Variants in C1orf21 observed in about 807,000 individuals in gnomAD.
The protein encoded by C1orf21 is chromosome 1 open reading frame 21.
C1orf21 carries 3 observed loss-of-function variants against 18.7 expected under a neutral mutation model. The observed-to-expected ratio is 0.16, with a 90% confidence interval of 0.07 to 0.42. C1orf21 has a LOEUF of 0.42. C1orf21 is among the 10% of genes least tolerant of loss of function. The pLI is 0.99. For synonymous variants in C1orf21, 41 were observed against 46.4 expected (o/e 0.88, Z 0.47); for missense variants, 104 against 143.6 (o/e 0.72, Z 1.41).
chr1:184,543,772 G>A (rs1369966980), intron 3 of C1orf21, among the ~76,000 whole-genome samples: 1 of 152,172 alleles, frequency 6.6e-6, no homozygotes, highest in African/African-American at 2.4e-5. Context: ...GGTGGTAGGA[G>A]ACTTACAATG....
intron 1 of C1orf21, among the ~76,000 whole-genome samples, chr1:184,443,079 A>G (rs976528826): frequency 6.6e-6 from 1 of 152,252 alleles, no homozygotes; most frequent in African/African-American, 2.4e-5. Context: ...AGGTGACCAA[A>G]GCAGCTAAAT....
At chr1:184,580,285 G>C (rs1659258351) in intron 3 of C1orf21, among the ~76,000 whole-genome samples, 1 of 152,194 alleles carries the variant, frequency 6.6e-6, no homozygotes, top group South Asian at 2.1e-4. Flanking sequence ...TCCTTTGAGG[G>C]AATGCAGATC....
intron 5 of C1orf21, among the ~76,000 whole-genome samples, chr1:184,601,192 T>C (rs1367766382): frequency 6.6e-6 from 1 of 152,316 alleles, no homozygotes; most frequent in East Asian, 1.9e-4. Flanking sequence ...AGATTTCATC[T>C]CTCCCAGAAG....
At chr1:184,514,348 T>C (rs1445124956) in intron 3 of C1orf21, among the ~76,000 whole-genome samples, 2 of 152,148 alleles carry the variant, frequency 1.3e-5, no homozygotes, top group Non-Finnish European at 2.9e-5. Context: ...AAGAAAATCA[T>C]ATATTTAATG....
intron 1 of C1orf21, among the ~76,000 whole-genome samples, chr1:184,393,109 C>T (rs1655998990): frequency 6.6e-6 from 1 of 152,088 alleles, no homozygotes; most frequent in African/African-American, 2.4e-5. Context: ...GCAGCATCAG[C>T]CACTGTGTCA....
At position 184,582,508 on chromosome 1, in the gene C1orf21, C is replaced by T. The variant is rs114554373; in HGVS notation, c.190-8231C>T. Among the ~76,000 whole-genome samples the T allele has an allele frequency of 6.3e-3, 952 of 152,280 alleles. 10 individuals are homozygous for T. Among genetic ancestry groups the T allele is most frequent in the African/African-American group, 0.022 (903 of 41,556 alleles). On this transcript the variant is annotated intron_variant, in intron 3 of 5. Coordinates refer to ENST00000235307, the MANE Select transcript of C1orf21 (RefSeq NM_030806.4). Reference sequence around the variant, plus strand: ...GGCACTCATTAGCAGTCCCAAGAGCCGATACTCTAATCCCCACTACTTTTC... The same window carrying T: ...GGCACTCATTAGCAGTCCCAAGAGCTGATACTCTAATCCCCACTACTTTTC...
At chr1:184,567,255 T>G (rs1226258825) in intron 3 of C1orf21, 1 of 464,348 alleles carries the variant, frequency 2.2e-6, no homozygotes, top group African/African-American at 2.0e-5. Context: ...GAGCTCCATG[T>G]TCAGAAGGAG....
chr1:184,495,040 A>G (rs759214312), intron 2 of C1orf21, among the ~76,000 whole-genome samples: 2 of 152,248 alleles, frequency 1.3e-5, no homozygotes, highest in Non-Finnish European at 2.9e-5. Context: ...ACAGCATGTC[A>G]TCGTCACACA....
intron 1 of C1orf21, among the ~76,000 whole-genome samples, chr1:184,452,816 CTCTG>C (rs1281603210): frequency 3.3e-5 from 5 of 152,096 alleles, no homozygotes; most frequent in African/African-American, 9.7e-5. Flanking sequence ...CTTGAGCTCT[CTCTG>C]TCTTTCTTGT....
At chr1:184,396,487 C>T (rs1045177809) in intron 1 of C1orf21, among the ~76,000 whole-genome samples, 2 of 152,152 alleles carry the variant, frequency 1.3e-5, no homozygotes, top group African/African-American at 4.8e-5. Context: ...GGATTATACT[C>T]TGAGCTGTGG....
chr1:184,542,023 CTT>C (rs1399631910), intron 3 of C1orf21, among the ~76,000 whole-genome samples: 1 of 152,170 alleles, frequency 6.6e-6, no homozygotes, highest in Non-Finnish European at 1.5e-5. Flanking sequence ...GAACTGTGCT[CTT>C]GTTTTTGCTT....
intron 1 of C1orf21, among the ~76,000 whole-genome samples, chr1:184,429,429 T>C (rs1251066578): frequency 6.6e-6 from 1 of 152,206 alleles, no homozygotes; most frequent in Non-Finnish European, 1.5e-5. Context: ...TCTATGCAAG[T>C]CTCCAATTCT....
At chr1:184,454,990 A>G (rs183814071) in intron 1 of C1orf21, among the ~76,000 whole-genome samples, 1 of 152,268 alleles carries the variant, frequency 6.6e-6, no homozygotes, top group Non-Finnish European at 1.5e-5. Context: ...CTTTGACTAG[A>G]GTTCATTGAA....
chr1:184,525,448 A>G (rs1658365045), intron 3 of C1orf21, among the ~76,000 whole-genome samples: 1 of 152,094 alleles, frequency 6.6e-6, no homozygotes, highest in Non-Finnish European at 1.5e-5. Context: ...TTTTAAGCCA[A>G]GAAATCATCC....
chr1:184,488,260 G>T (rs1171751671), intron 2 of C1orf21, among the ~76,000 whole-genome samples: 1 of 152,148 alleles, frequency 6.6e-6, no homozygotes, highest in Admixed American at 6.5e-5. Flanking sequence ...CATGATTCAG[G>T]AATGATGAAT....
chr1:184,400,062 A>G (rs1307829155), intron 1 of C1orf21, among the ~76,000 whole-genome samples: 2 of 152,084 alleles, frequency 1.3e-5, no homozygotes, highest in African/African-American at 4.8e-5. Flanking sequence ...TTTTAACACA[A>G]TTTATGTGTT....
intron 2 of C1orf21, among the ~76,000 whole-genome samples, chr1:184,482,591 A>G (rs1328097902): frequency 6.6e-6 from 1 of 152,220 alleles, no homozygotes; most frequent in Non-Finnish European, 1.5e-5. Context: ...TTTTCACCGA[A>G]TAAAGTGACC....
chr1:184,451,422 C>G (rs1487792595), intron 1 of C1orf21, among the ~76,000 whole-genome samples: 3 of 151,280 alleles, frequency 2.0e-5, no homozygotes, highest in Middle Eastern at 6.8e-3. Context: ...TCTCAGGTAG[C>G]TGGGACTGTA....
At chr1:184,491,733 G>C (rs1657819922) in intron 2 of C1orf21, among the ~76,000 whole-genome samples, 1 of 152,160 alleles carries the variant, frequency 6.6e-6, no homozygotes, top group Admixed American at 6.5e-5. Flanking sequence ...ATCAATGACA[G>C]TGACCTTCGG....
Sources: gnomAD v4.1 joint callset for allele counts (sites outside exome capture counted in the v4.1 genomes callset) on GRCh38, gnomAD v4.1.1 for gene constraint, MANE v1.5 for transcripts, NCBI Gene and HGNC (gene_info 2026-07-23, HGNC 2026-07-21) for gene names.